Variants in NAV2 observed in about 807,000 individuals in gnomAD.
NAV2 encodes the protein helicase, APC down-regulated 1.
Under a neutral mutation model 223.2 loss-of-function variants are expected in NAV2, and 54 were observed. The observed-to-expected ratio is 0.24, with a 90% CI of 0.19 to 0.30. NAV2 has a LOEUF of 0.30. Among genes scored for constraint, NAV2 ranks in the 10% least tolerant of loss-of-function variants. NAV2 has a pLI of 1.00. For missense variants in NAV2, 2,806 were observed against 3,147.5 expected (o/e 0.89, Z 2.60); for synonymous variants, 1,279 against 1,239.3 (o/e 1.03, Z -0.67).
chr11:19,364,408 G>A (rs979160609), intron 1 of NAV2, among the ~76,000 whole-genome samples: 5 of 152,134 alleles, frequency 3.3e-5, no homozygotes, highest in Admixed American at 3.3e-4. Flanking sequence ...CTGACAGAGG[G>A]ATGCTTACTT....
At chr11:19,464,162 C>T (rs1250147805) in intron 1 of NAV2, among the ~76,000 whole-genome samples, 2 of 152,158 alleles carry the variant, frequency 1.3e-5, no homozygotes, top group African/African-American at 4.8e-5. Context: ...GCCCAGAGCA[C>T]CCGTTTCCAT....
chr11:19,789,296 T>C (rs1008242735), intron 1 of NAV2, among the ~76,000 whole-genome samples: 3 of 152,314 alleles, frequency 2.0e-5, no homozygotes, highest in East Asian at 1.9e-4. Context: ...TTCATACTTA[T>C]GTAATAGTTT....
chr11:19,347,050 T>A (rs1489067974), upstream of NAV2, among the ~76,000 whole-genome samples: 1 of 152,132 alleles, frequency 6.6e-6, no homozygotes, highest in South Asian at 2.1e-4. Context: ...TAATCCAGAT[T>A]TAAAAAACAG....
At chr11:19,948,084 A>ATTT (rs35277859) in intron 9 of NAV2, among the ~76,000 whole-genome samples, 3,719 of 146,736 alleles carry the variant, frequency 0.025, 145 homozygotes, top group African/African-American at 0.089. Flanking sequence ...GAAAATTCTT[A>ATTT]TTTTTTTTTT....
At chr11:19,405,441 G>C (rs571128356) in intron 1 of NAV2, among the ~76,000 whole-genome samples, 2 of 152,226 alleles carry the variant, frequency 1.3e-5, no homozygotes, top group Non-Finnish European at 2.9e-5. Flanking sequence ...AGTTGCTTCT[G>C]TTCTCCACTG....
At chr11:19,512,113 C>T (rs2043297384) in intron 1 of NAV2, among the ~76,000 whole-genome samples, 1 of 152,180 alleles carries the variant, frequency 6.6e-6, no homozygotes, top group African/African-American at 2.4e-5. Context: ...CTCTGTTTCC[C>T]TTCCCATCAG....
Position 20,054,179 on chromosome 11 carries a change from C to T in NAV2, c.4581C>T (p.Pro1527=), listed in dbSNP as rs1048020004. The change falls in exon 18 of 38, where the codon CCC becomes CCT. Residue 1527 remains proline (P), a synonymous_variant. Transcript: ENST00000349880. ...TTCAGGACACCGCTGCCAATTCCCC[C>T]TTTTCCTCTGGCTCCAGCGTGACTT... ...GGLQDTAANS[P]FSSGSSVTSP... 1 of 1,613,632 alleles carries T rather than the reference C, an allele frequency of 6.2e-7. No individual in the cohort carries two copies. The highest frequency in any genetic ancestry group is 8.5e-7 in the Non-Finnish European group (1 of 1,179,930).
In NAV2 at chr11:20,120,404, T is replaced by C. The variant is rs1351876454; in HGVS notation, c.*2146T>C. On this transcript the variant is annotated 3_prime_UTR_variant, in exon 38 of 38. Transcript: ENST00000349880. Reference sequence around the variant, plus strand: ...ACTTTTAAACCATATATTTAGCCTGTGACCAGGGGGGCCAAACCCTAAGAT... The same window carrying C: ...ACTTTTAAACCATATATTTAGCCTGCGACCAGGGGGGCCAAACCCTAAGAT... The C allele has an allele frequency of 6.6e-6, 1 of 152,628 alleles. No homozygotes were observed. Among genetic ancestry groups the C allele is most frequent in the Non-Finnish European group, 1.5e-5 (1 of 68,042 alleles). The allele number at this position is 152,628 out of a possible 1,614,324, so 9.5% of individuals were successfully genotyped here.
chr11:19,884,929 G>C (rs1305237769), intron 5 of NAV2, among the ~76,000 whole-genome samples: 1 of 152,134 alleles, frequency 6.6e-6, no homozygotes, highest in African/African-American at 2.4e-5. Flanking sequence ...GATGCTCTTA[G>C]GTGCCATGGA....
At position 19,933,813 on chromosome 11, in the gene NAV2, C is replaced by A; in HGVS notation, c.1569C>A (p.Asp523Glu). The A allele has an allele frequency of 6.2e-7, 1 of 1,613,652 alleles. No homozygotes were observed. The highest frequency in any genetic ancestry group is 8.5e-7 in the Non-Finnish European group (1 of 1,179,930). The change falls in exon 7 of 38, where the codon GAC becomes GAA. Residue 523 changes from aspartate to glutamate, a missense_variant. By Grantham distance (45) the Asp-to-Glu change is conservative. This residue lies in a region of NAV2 where 1,167 missense variants were observed against 1,180.5 expected (regional missense o/e 0.99). Transcript: ENST00000349880. This position sits in a 1 kb window ranked among gnomAD's most constrained non-coding sequence, Gnocchi z 4.3. ...ACCTCAAGGAGGAGCCAAAAGAAGA[C>A]CCCAGTGGAGCAGCTGTGCCCGAGA... Reference protein sequence around the residue: ...RLDLKEEPKEDPSGAAVPEMP... With the variant: ...RLDLKEEPKEEPSGAAVPEMP...
At chr11:19,389,511 G>A (rs114565510) in intron 1 of NAV2, among the ~76,000 whole-genome samples, 6,275 of 152,248 alleles carry the variant, frequency 0.041, 415 homozygotes, top group African/African-American at 0.14. Context: ...CCAGATTTGT[G>A]ATGCTGAACA....
intron 22 of NAV2, among the ~76,000 whole-genome samples, chr11:20,075,513 T>C (rs1164846624): frequency 1.3e-5 from 2 of 152,104 alleles, no homozygotes; most frequent in Non-Finnish European, 2.9e-5. Flanking sequence ...AGTGCTGGGA[T>C]TACAGGCATG....
intron 11 of NAV2, among the ~76,000 whole-genome samples, chr11:20,011,547 C>T (rs2053564331): frequency 6.6e-6 from 1 of 152,132 alleles, no homozygotes; most frequent in Non-Finnish European, 1.5e-5. Flanking sequence ...AGTAAGAACT[C>T]ATTGTACAGG....
At chr11:19,823,875 C>T (rs903588064) in intron 1 of NAV2, among the ~76,000 whole-genome samples, 1 of 151,940 alleles carries the variant, frequency 6.6e-6, no homozygotes, top group East Asian at 1.9e-4. Flanking sequence ...ATGTAACAAA[C>T]CTGCACGTTC....
intron 10 of NAV2, among the ~76,000 whole-genome samples, chr11:19,969,868 C>A (rs563512510): frequency 6.6e-6 from 1 of 151,912 alleles, no homozygotes; most frequent in East Asian, 1.9e-4. Context: ...ATGGCGTGAA[C>A]CCGGGAGGCG....
intron 7 of NAV2, among the ~76,000 whole-genome samples, chr11:19,939,290 A>G (rs983845520): frequency 1.2e-4 from 18 of 152,214 alleles, no homozygotes; most frequent in African/African-American, 4.8e-5. Flanking sequence ...ACTTGTTGGC[A>G]TGGCTGGTTA....
intron 1 of NAV2, among the ~76,000 whole-genome samples, chr11:19,510,673 G>A (rs1454873458): frequency 6.6e-6 from 1 of 152,258 alleles, no homozygotes; most frequent in Non-Finnish European, 1.5e-5. Flanking sequence ...CATGGTGCCT[G>A]TGTATTGTGG....
At chr11:20,002,058 G>A (rs1020253485) in intron 11 of NAV2, among the ~76,000 whole-genome samples, 7 of 152,228 alleles carry the variant, frequency 4.6e-5, no homozygotes, top group African/African-American at 1.7e-4. Flanking sequence ...GCCCTCTTCT[G>A]GGCTGCAGAA....
intron 1 of NAV2, among the ~76,000 whole-genome samples, chr11:19,368,232 T>C (rs1848354928): frequency 6.6e-6 from 1 of 152,194 alleles, no homozygotes; most frequent in South Asian, 2.1e-4. Flanking sequence ...TGCTATTTTT[T>C]CCTCTCCCGA....
Sources: allele counts gnomAD v4.1 joint callset (sites outside exome capture counted in the v4.1 genomes callset), GRCh38; gene constraint gnomAD v4.1.1; regional missense constraint gnomAD v4.1.1; non-coding constraint Gnocchi (gnomAD v3.1); transcripts MANE v1.5; gene names NCBI Gene and HGNC (gene_info 2026-07-23, HGNC 2026-07-21).